FOXP2: variants seen among roughly 807,000 people sequenced by gnomAD.
FOXP2 encodes the protein forkhead box P2.
FOXP2 carries 12 observed loss-of-function variants against 115.8 expected under a neutral mutation model. The observed-to-expected ratio is 0.10, with a 90% CI of 0.07 to 0.17. FOXP2 has a LOEUF of 0.17. Ranked by LOEUF, FOXP2 falls within the 10% of genes least tolerant of loss-of-function variation. The pLI, the probability that FOXP2 is intolerant of heterozygous loss-of-function variation, is 1.00. For missense variants in FOXP2, 629 were observed against 843.5 expected (o/e 0.75, Z 3.15); for synonymous variants, 328 against 297.7 (o/e 1.10, Z -1.05).
rs530922898 is a variant in FOXP2 at position 114,252,434 on chromosome 7, G to T, written c.-101-35585G>T. The stretch of plus-strand genomic sequence containing the variant: ...ATCCATCTGGTCCTGGACTTTTTTT[G>T]GTTGGTAAGCTATTAATTATTGCCT... On this transcript the variant is annotated intron_variant, in intron 1 of 17. Transcript: ENST00000634411. 2.8e-4 allele frequency among the ~76,000 whole-genome samples: 42 copies of T among 152,112 alleles called. No homozygotes were observed. The East Asian group carries it at 6.0e-3, about 22-fold the overall frequency.
At chr7:114,385,154 A>G (rs1025700264) in intron 2 of FOXP2, among the ~76,000 whole-genome samples, 1 of 151,946 alleles carries the variant, frequency 6.6e-6, no homozygotes, top group African/African-American at 2.4e-5. Flanking sequence ...CGAGAGCTGT[A>G]TACCTAAATC....
intron 1 of FOXP2, among the ~76,000 whole-genome samples, chr7:114,201,982 CTCTG>C (rs1469641211): frequency 6.6e-6 from 1 of 152,198 alleles, no homozygotes; most frequent in African/African-American, 2.4e-5. Context: ...GGAAACTATA[CTCTG>C]TCTGCCTTTT....
At chr7:114,666,658 G>C (rs1187450500) in intron 16 of FOXP2, 2 of 152,084 alleles carry the variant, frequency 1.3e-5, no homozygotes, top group Non-Finnish European at 2.9e-5. Context: ...TTGTTTTAGA[G>C]GGGGGTAGTT....
chr7:114,447,609 G>A (rs200083969), intron 2 of FOXP2, among the ~76,000 whole-genome samples: 1 of 151,988 alleles, frequency 6.6e-6, no homozygotes, highest in African/African-American at 2.4e-5. Flanking sequence ...AGTACCCCAC[G>A]CTAACATTTT....
intron 1 of FOXP2, among the ~76,000 whole-genome samples, chr7:114,156,173 G>GT (rs1047622028): frequency 3.9e-5 from 6 of 152,070 alleles, no homozygotes; most frequent in Admixed American, 1.3e-4. Context: ...ACCAGTTTTA[G>GT]TTTTTTTCTA....
intron 2 of FOXP2, among the ~76,000 whole-genome samples, chr7:114,345,810 C>T (rs983080835): frequency 3.3e-5 from 5 of 151,440 alleles, no homozygotes; most frequent in Non-Finnish European, 7.4e-5. Flanking sequence ...TGTATTATAC[C>T]ATATGGAAGT....
chr7:114,238,760 A>G (rs1020278123), intron 1 of FOXP2, among the ~76,000 whole-genome samples: 4 of 143,036 alleles, frequency 2.8e-5, no homozygotes, highest in Non-Finnish European at 6.2e-5. Context: ...CGACAGAGCT[A>G]GACTCTATCT....
At chr7:114,435,587 G>T (rs1279675500) in intron 2 of FOXP2, among the ~76,000 whole-genome samples, 1 of 152,148 alleles carries the variant, frequency 6.6e-6, no homozygotes, top group Non-Finnish European at 1.5e-5. Flanking sequence ...GCCCAAGTTG[G>T]AGTGCAATGG....
intron 3 of FOXP2, among the ~76,000 whole-genome samples, chr7:114,621,238 A>C (rs184415190): frequency 4.1e-4 from 63 of 152,162 alleles, no homozygotes; most frequent in Admixed American, 7.9e-4. Context: ...TATGATTATC[A>C]GCATCTTTTT....
intron 2 of FOXP2, among the ~76,000 whole-genome samples, chr7:114,515,704 C>A (rs1798304992): frequency 6.6e-6 from 1 of 151,958 alleles, no homozygotes; most frequent in Admixed American, 6.6e-5. Context: ...TTTTGCTGTG[C>A]AGAAGCTCTT....
At chr7:114,087,295 G>C (rs1237661554), upstream of FOXP2, among the ~76,000 whole-genome samples, 1 of 152,284 alleles carries the variant, frequency 6.6e-6, no homozygotes, top group African/African-American at 2.4e-5. Context: ...TGACGCTTCG[G>C]GATAACCGTG....
chr7:114,193,825 A>C (rs1287698207), intron 1 of FOXP2, among the ~76,000 whole-genome samples: 1 of 152,182 alleles, frequency 6.6e-6, no homozygotes, highest in Non-Finnish European at 1.5e-5. Context: ...TAATGGCTTC[A>C]GAAATCAGAG....
intron 1 of FOXP2, among the ~76,000 whole-genome samples, chr7:114,115,223 C>A (rs925670375): frequency 2.0e-5 from 3 of 151,978 alleles, no homozygotes; most frequent in African/African-American, 7.2e-5. Flanking sequence ...TCTTCTGTAT[C>A]TGTGCCTACC....
At chr7:114,531,327 T>C (rs1479036137) in intron 2 of FOXP2, among the ~76,000 whole-genome samples, 1 of 151,914 alleles carries the variant, frequency 6.6e-6, no homozygotes, top group East Asian at 1.9e-4. Context: ...AATATTTGTG[T>C]CATTTGACAC....
intron 2 of FOXP2, among the ~76,000 whole-genome samples, chr7:114,297,909 A>T (rs1346327797): frequency 6.6e-6 from 1 of 152,164 alleles, no homozygotes; most frequent in Non-Finnish European, 1.5e-5. Flanking sequence ...CTGTATTTTT[A>T]GTGTTCCAGT....
At chr7:114,653,483 C>T (rs1175729903) in intron 9 of FOXP2, 1 of 256,946 alleles carries the variant, frequency 3.9e-6, no homozygotes, top group Non-Finnish European at 7.7e-6. Flanking sequence ...GGGGCACTAA[C>T]TGGACCTCAG....
intron 2 of FOXP2, among the ~76,000 whole-genome samples, chr7:114,502,933 A>G (rs1391930411): frequency 2.0e-5 from 3 of 152,056 alleles, no homozygotes; most frequent in African/African-American, 7.2e-5. Context: ...GCACAGGCCA[A>G]ATAGATGCAA....
intron 1 of FOXP2, among the ~76,000 whole-genome samples, chr7:114,246,708 C>A (rs1278022327): frequency 3.9e-5 from 6 of 152,024 alleles, no homozygotes; most frequent in Admixed American, 3.9e-4. Flanking sequence ...TAATAAGCAT[C>A]GATGCCTGGT....
chr7:114,619,100 A>T (rs1234815609), intron 3 of FOXP2, among the ~76,000 whole-genome samples: 1 of 152,176 alleles, frequency 6.6e-6, no homozygotes, highest in Admixed American at 6.5e-5. Flanking sequence ...CTAGTTTCAA[A>T]GTCTAACACT....
Sources: gnomAD v4.1 joint callset for allele counts (sites outside exome capture counted in the v4.1 genomes callset) on GRCh38, gnomAD v4.1.1 for gene constraint, MANE v1.5 for transcripts, NCBI Gene and HGNC (gene_info 2026-07-23, HGNC 2026-07-21) for gene names.